ATP11A: variants seen among roughly 807,000 people sequenced by gnomAD.
ATP11A encodes phospholipid-transporting ATPase IH.
Under a neutral mutation model 154.4 loss-of-function variants are expected in ATP11A, and 81 were observed. That is an observed-to-expected ratio of 0.52 (90% confidence interval 0.44 to 0.63). The LOEUF (loss-of-function observed/expected upper bound fraction) is 0.63, where lower values mean the gene tolerates loss of function less well. Among genes scored for constraint, ATP11A ranks in the 30% least tolerant of loss-of-function variants. The pLI, the probability that ATP11A is intolerant of heterozygous loss-of-function variation, is 0.00. For missense variants in ATP11A, 1,316 were observed against 1,474.3 expected, an observed-to-expected ratio of 0.89 and a Z score of 1.76; for synonymous variants, 623 against 585.9, an observed-to-expected ratio of 1.06 and a Z score of -0.91.
chr13:112,832,030 T>A (rs1225169791), intron 13 of ATP11A, among the ~76,000 whole-genome samples: 4 of 138,832 alleles, frequency 2.9e-5, no homozygotes, highest in South Asian at 2.2e-4. Flanking sequence ...GCAGACACAC[T>A]CTCACACACT....
In ATP11A at chr13:112,757,044, A is replaced by G. The variant is rs145689740; in HGVS notation, c.40-28091A>G. Among the ~76,000 whole-genome samples the G allele has an allele frequency of 6.3e-3, 959 of 152,380 alleles. 6 individuals are homozygous for G. Among genetic ancestry groups the G allele is most frequent in the Admixed American group, 0.011 (170 of 15,306 alleles). On this transcript the variant is annotated intron_variant, in intron 1 of 29. Transcript: ENST00000375645. ...TTAGTCCACATTGATGTGAGCACCT[A>G]CTGTACATGAGATAGCATGCTAAGT...
intron 1 of ATP11A, chr13:112,745,489 G>T (rs1892030050): frequency 6.6e-6 from 1 of 152,232 alleles, no homozygotes; most frequent in Non-Finnish European, 1.5e-5. Context: ...TAATGTGAAT[G>T]TTTAGTGAGT....
intron 29 of ATP11A, chr13:112,881,496 C>G: frequency 9.0e-7 from 1 of 1,105,406 alleles, no homozygotes; most frequent in Non-Finnish European, 1.1e-6. Context: ...GGAGGAAGCT[C>G]GTAGGTTTCC....
intron 1 of ATP11A, among the ~76,000 whole-genome samples, chr13:112,701,827 CA>C (rs1239676075): frequency 6.6e-6 from 1 of 151,666 alleles, no homozygotes; most frequent in African/African-American, 2.4e-5. Flanking sequence ...AGCAGGCTGT[CA>C]ACACATTTAT....
chr13:112,738,625 G>T (rs1413578995), intron 1 of ATP11A, among the ~76,000 whole-genome samples: 2 of 152,182 alleles, frequency 1.3e-5, no homozygotes, highest in Non-Finnish European at 2.9e-5. Context: ...TGCCAAGCAG[G>T]AGCTTTCTGT....
chr13:112,778,974 GGAGT>G (rs1280066904), intron 1 of ATP11A, among the ~76,000 whole-genome samples: 1 of 136,200 alleles, frequency 7.3e-6, no homozygotes, highest in Non-Finnish European at 1.6e-5. Flanking sequence ...AGTAGCCGCT[GGAGT>G]GAGGAGTAGC....
chr13:112,843,820 GATC>G (rs2079498407), intron 17 of ATP11A, among the ~76,000 whole-genome samples: 1 of 152,232 alleles, frequency 6.6e-6, no homozygotes, highest in African/African-American at 2.4e-5. Context: ...TCGACGTGCG[GATC>G]ATCATCTTTA....
intron 1 of ATP11A, among the ~76,000 whole-genome samples, chr13:112,716,386 A>G (rs1452880035): frequency 6.6e-6 from 1 of 151,652 alleles, no homozygotes; most frequent in African/African-American, 2.4e-5. Context: ...TTCACTTCCT[A>G]GTTTTTCACT....
At chr13:112,736,866 A>AGAG (rs1891051035) in intron 1 of ATP11A, among the ~76,000 whole-genome samples, 1 of 152,216 alleles carries the variant, frequency 6.6e-6, no homozygotes, top group African/African-American at 2.4e-5. Flanking sequence ...ACAGGACGGG[A>AGAG]GAGAGGATTG....
Position 112,864,435 on chromosome 13 carries a change from G to T in ATP11A, c.2991+1860G>T, listed in dbSNP as rs143589294. 1.7e-3 allele frequency among the ~76,000 whole-genome samples: 51 copies of T among 29,878 alleles called. 5 individuals carry two copies. The highest frequency in any genetic ancestry group is 0.017 in the East Asian group (12 of 710). The allele number at this position is 29,878 out of a possible 152,430, so 19.6% of individuals were successfully genotyped here. Reference sequence around the variant, plus strand: ...TCCCAGCGGGATCCATCACCACATGGGCAGTAATTCAGTGCAGCCCATGCA... The same window carrying T: ...TCCCAGCGGGATCCATCACCACATGTGCAGTAATTCAGTGCAGCCCATGCA... On this transcript the variant is annotated intron_variant, in intron 25 of 29. Coordinates refer to ENST00000375645, the MANE Select transcript of ATP11A (RefSeq NM_015205.3).
rs556270957 is a variant in ATP11A at position 112,850,558 on chromosome 13, G to T, written c.1810-479G>T. ...ATGATTTTGATAAATAACCTGGCAG[G>T]TTTCCTTCATTGTGAAAGAACAACC... On this transcript the variant is annotated intron_variant, in intron 17 of 29. Transcript: ENST00000375645. Among the ~76,000 whole-genome samples the T allele has an allele frequency of 4.6e-5, 7 of 152,054 alleles. No individual in the cohort carries two copies. The East Asian group carries it at 1.4e-3, about 29-fold the overall frequency.
chr13:112,703,671 CAG>C (rs1886838485), intron 1 of ATP11A, among the ~76,000 whole-genome samples: 1 of 151,952 alleles, frequency 6.6e-6, no homozygotes, highest in South Asian at 2.1e-4. Flanking sequence ...TTAGATGTAA[CAG>C]ACCGCAGTTC....
At chr13:112,763,287 G>T (rs2077002541) in intron 1 of ATP11A, among the ~76,000 whole-genome samples, 1 of 152,124 alleles carries the variant, frequency 6.6e-6, no homozygotes, top group Non-Finnish European at 1.5e-5. Flanking sequence ...GCGAGTTCAG[G>T]CTCTGATGGG....
At chr13:112,854,207 G>T in intron 18 of ATP11A, 72 bp from the exon 19 acceptor site, 1 of 1,537,948 alleles carries the variant, frequency 6.5e-7, no homozygotes, top group South Asian at 1.2e-5. Context: ...GCAAGTTTCT[G>T]CAGTTCCTTA....
At chr13:112,736,957 C>G (rs1891059077) in intron 1 of ATP11A, among the ~76,000 whole-genome samples, 1 of 152,104 alleles carries the variant, frequency 6.6e-6, no homozygotes, top group Non-Finnish European at 1.5e-5. Context: ...ATATGTGCCT[C>G]TGGTGGGAGC....
chr13:112,774,880 C>T (rs912990327), intron 1 of ATP11A, among the ~76,000 whole-genome samples: 2 of 152,254 alleles, frequency 1.3e-5, no homozygotes, highest in South Asian at 4.1e-4. Context: ...CGGTGAAGAG[C>T]GTCGTTGGCG....
chr13:112,833,863 C>T (rs1309895638), intron 14 of ATP11A, among the ~76,000 whole-genome samples: 1 of 152,188 alleles, frequency 6.6e-6, no homozygotes, highest in African/African-American at 2.4e-5. Context: ...TCAGGGCAGG[C>T]TACCCCGCCC....
intron 2 of ATP11A, among the ~76,000 whole-genome samples, chr13:112,798,983 A>G (rs530558333): frequency 4.6e-5 from 7 of 152,372 alleles, no homozygotes; most frequent in East Asian, 1.9e-4. Context: ...CCATGCTGCT[A>G]CTACTCAAAG....
At chr13:112,815,468 C>G (rs900825721) in intron 5 of ATP11A, among the ~76,000 whole-genome samples, 2 of 151,988 alleles carry the variant, frequency 1.3e-5, no homozygotes, top group Non-Finnish European at 2.9e-5. Context: ...CCTTCAGACA[C>G]ACAGTCCAGA....
Sources: allele counts gnomAD v4.1 joint callset (sites outside exome capture counted in the v4.1 genomes callset), GRCh38; gene constraint gnomAD v4.1.1; transcripts MANE v1.5; gene names NCBI Gene and HGNC (gene_info 2026-07-23, HGNC 2026-07-21).